The following SWT1 variants were observed in gnomAD, a reference collection of about 807,000 sequenced individuals.
The protein encoded by SWT1 is transcriptional protein SWT1.
A neutral mutation model predicts 107.3 loss-of-function variants in SWT1; 33 were observed. The observed-to-expected ratio is 0.31, with a 90% CI of 0.23 to 0.41. The LOEUF (loss-of-function observed/expected upper bound fraction) is 0.41, where lower values mean the gene tolerates loss of function less well. Ranked by LOEUF, SWT1 falls within the 10% of genes least tolerant of loss-of-function variation. The pLI is 1.00. For synonymous variants in SWT1, 345 were observed against 348.3 expected (o/e 0.99, Z 0.11); for missense variants, 898 against 1,028.9 (o/e 0.87, Z 1.74).
chr1:185,262,676 T>C (rs1000814208), intron 16 of SWT1, among the ~76,000 whole-genome samples: 2 of 152,184 alleles, frequency 1.3e-5, no homozygotes, highest in African/African-American at 4.8e-5. Context: ...CAGGGTTGGT[T>C]TCCTCTGAGG....
At chr1:185,283,853 T>A (rs1019085238) in intron 18 of SWT1, among the ~76,000 whole-genome samples, 9 of 152,204 alleles carry the variant, frequency 5.9e-5, no homozygotes, top group African/African-American at 2.2e-4. Context: ...CACACACATA[T>A]ATACACACCA....
intron 16 of SWT1, among the ~76,000 whole-genome samples, chr1:185,247,062 CCTTCA>C: frequency 6.6e-6 from 1 of 152,114 alleles, no homozygotes; most frequent in East Asian, 1.9e-4. Context: ...ATTATTATTA[CCTTCA>C]GTCCTTAGGT....
At chr1:185,283,164 G>A (rs908741561) in intron 18 of SWT1, among the ~76,000 whole-genome samples, 5 of 152,168 alleles carry the variant, frequency 3.3e-5, no homozygotes, top group African/African-American at 1.2e-4. Context: ...ACATAAAACT[G>A]ATGGGTTCTA....
At chr1:185,158,763 A>G (rs1001823504) in intron 1 of SWT1, among the ~76,000 whole-genome samples, 1 of 152,202 alleles carries the variant, frequency 6.6e-6, no homozygotes, top group African/African-American at 2.4e-5. Context: ...ATCTATTGCT[A>G]CTGCATAAGT....
chr1:185,215,246 T>C (rs1202679413), intron 14 of SWT1, among the ~76,000 whole-genome samples: 2 of 152,176 alleles, frequency 1.3e-5, no homozygotes, highest in Non-Finnish European at 2.9e-5. Context: ...TGTCCATCTA[T>C]CTACCTATCT....
chr1:185,229,335 A>G (rs1458456588), intron 15 of SWT1, among the ~76,000 whole-genome samples: 1 of 152,160 alleles, frequency 6.6e-6, no homozygotes, highest in Non-Finnish European at 1.5e-5. Flanking sequence ...CAAAAATAGT[A>G]GTACCCACAG....
intron 18 of SWT1, among the ~76,000 whole-genome samples, chr1:185,286,867 G>A (rs528156591): frequency 1.3e-5 from 2 of 152,224 alleles, no homozygotes; most frequent in African/African-American, 4.8e-5. Context: ...GTACAAAATG[G>A]TACAAAGTTG....
At position 185,191,023 on chromosome 1, in the gene SWT1, A is replaced by G. The variant is rs78966196; in HGVS notation, c.1523+381A>G. 5.9e-3 allele frequency among the ~76,000 whole-genome samples: 902 copies of G among 152,262 alleles called. 33 individuals are homozygous for G. In the East Asian group the frequency reaches 0.096, roughly 16 times the overall value. ...TGTTGGAGTTGTGTGCTGGGTGCCT[A>G]TTACAGAGTTAGACTGCCTGGCTTG... On this transcript the variant is annotated intron_variant, in intron 10 of 18. Transcript: ENST00000367500.
chr1:185,250,955 A>C (rs12127840), intron 16 of SWT1, among the ~76,000 whole-genome samples: 1 of 151,956 alleles, frequency 6.6e-6, no homozygotes, highest in Non-Finnish European at 1.5e-5. Context: ...GAGCCACTGC[A>C]CCCGGCCTGG....
intron 9 of SWT1, among the ~76,000 whole-genome samples, chr1:185,186,472 A>G (rs946551744): frequency 3.3e-5 from 5 of 152,320 alleles, no homozygotes; most frequent in Non-Finnish European, 7.4e-5. Flanking sequence ...AGTGTTCATT[A>G]TAGCATTATT....
rs199740736 is a variant in SWT1, at chr1:185,212,817, A to AAAT, written c.1973-1689_1973-1688insATA. Among the ~76,000 whole-genome samples, 888 of 151,742 alleles carry AAAT rather than the reference A, an allele frequency of 5.9e-3. 35 individuals are homozygous for AAAT. In the East Asian group the frequency reaches 0.094, roughly 16 times the overall value. On this transcript the variant is annotated intron_variant, in intron 13 of 18. Coordinates refer to ENST00000367500, the MANE Select transcript of SWT1 (RefSeq NM_017673.7). ...AAACTCTGTCTCAAAAAAAAAAAAA[A>AAAT]ACTTCTTGCTGTAAGATAATTTTGA... is the stretch of plus-strand genomic sequence containing the variant.
At chr1:185,186,428 A>G (rs1656469804) in intron 9 of SWT1, among the ~76,000 whole-genome samples, 1 of 152,174 alleles carries the variant, frequency 6.6e-6, no homozygotes, top group South Asian at 2.1e-4. Flanking sequence ...GTATCCAAAA[A>G]AAGTGAGAGA....
intron 9 of SWT1, among the ~76,000 whole-genome samples, chr1:185,188,426 A>G (rs1344549045): frequency 2.0e-5 from 3 of 152,228 alleles, no homozygotes; most frequent in Admixed American, 6.5e-5. Context: ...TGCATTATTC[A>G]TGGCATTTAC....
intron 16 of SWT1, among the ~76,000 whole-genome samples, chr1:185,257,479 C>T (rs963362524): frequency 1.4e-4 from 21 of 152,266 alleles, no homozygotes; most frequent in South Asian, 4.2e-4. Flanking sequence ...GATATAATCT[C>T]GTGGTGCGCC....
intron 15 of SWT1, among the ~76,000 whole-genome samples, chr1:185,230,833 G>A (rs530156111): frequency 9.0e-4 from 137 of 151,932 alleles, no homozygotes; most frequent in African/African-American, 3.0e-3. Context: ...CTGAAGCCTC[G>A]GCCTCCTGGG....
chr1:185,256,694 CA>C lies in SWT1; in HGVS notation c.2442-14626del, dbSNP rs372752399. 5.2e-3 allele frequency among the ~76,000 whole-genome samples: 783 copies of C among 150,346 alleles called. 28 individuals are homozygous for C. The East Asian group carries it at 0.088, about 17-fold the overall frequency. On this transcript the variant is annotated intron_variant, in intron 16 of 18. Coordinates refer to ENST00000367500, the MANE Select transcript of SWT1 (RefSeq NM_017673.7). ...GTTATACATTCTTTTAAATTTTTTT[CA>C]AAGTTTTCAACTTCTTTGCCTTTGG...
chr1:185,170,578 G>T (rs1654963427), intron 4 of SWT1, among the ~76,000 whole-genome samples: 1 of 152,172 alleles, frequency 6.6e-6, no homozygotes, highest in African/African-American at 2.4e-5. Flanking sequence ...CACACAGGAG[G>T]CCACATCTGG....
intron 16 of SWT1, among the ~76,000 whole-genome samples, chr1:185,242,976 T>TA (rs1381097618): frequency 2.0e-5 from 3 of 152,184 alleles, no homozygotes. Context: ...AATTTTAACT[T>TA]AAATAACAAG....
Position 185,174,666 on chromosome 1 carries a change from G to C in SWT1, c.519G>C (p.Trp173Cys). 6.2e-7 allele frequency: 1 copy of C among 1,613,594 alleles called. No individual in the cohort carries two copies. Among genetic ancestry groups the C allele is most frequent in the Non-Finnish European group, 8.5e-7 (1 of 1,179,772 alleles). Reference sequence around the variant, plus strand: ...AAGGCCAGGCAAGTGAAAATAAATGGTCTCATTTACTTGTTCAGAGAGAGA... The same window carrying C: ...AAGGCCAGGCAAGTGAAAATAAATGCTCTCATTTACTTGTTCAGAGAGAGA... ...KAEGQASENK[W>C]SHLLVQREKM... Residue 173 changes from tryptophan to cysteine, a missense_variant, in exon 5 of 19, where the codon TGG (tryptophan) becomes TGC (cysteine). Physicochemically the swap from Trp to Cys is radical, Grantham distance 215. This residue lies in a region of SWT1 where 382 missense variants were observed against 362.4 expected (regional missense o/e 1.05). Transcript: ENST00000367500.
Sources: gnomAD v4.1 joint callset for allele counts (sites outside exome capture counted in the v4.1 genomes callset) on GRCh38, gnomAD v4.1.1 for gene constraint, gnomAD v4.1.1 regional missense constraint, MANE v1.5 for transcripts, NCBI Gene and HGNC (gene_info 2026-07-23, HGNC 2026-07-21) for gene names.